Variants in PTPRO observed in about 807,000 individuals in gnomAD.
The protein encoded by PTPRO is receptor-type tyrosine-protein phosphatase O.
In PTPRO, 62 loss-of-function variants were observed where a neutral mutation model predicts 145.2. The ratio of observed to expected loss-of-function variants is 0.43; its 90% confidence interval spans 0.35 to 0.53. The LOEUF is 0.53. Among genes scored for constraint, PTPRO ranks in the 20% least tolerant of loss-of-function variants. The pLI, the probability that PTPRO is intolerant of heterozygous loss-of-function variation, is 0.01. For synonymous variants in PTPRO, 565 were observed against 514.7 expected (o/e 1.10, Z -1.32); for missense variants, 1,345 against 1,482.7 (o/e 0.91, Z 1.53).
chr12:15,501,582 T>TA lies in PTPRO; in HGVS notation c.662-32dup, dbSNP rs760273795. ...GATTAAGTATTCACTCTAATTGAAT[T>TA]AAAAAATACTTGAAAATGAAAATTC... On this transcript the variant is annotated intron_variant, in intron 4 of 26. Coordinates refer to ENST00000281171, the MANE Select transcript of PTPRO (RefSeq NM_030667.3). 5 of 1,557,152 alleles carry TA rather than the reference T, an allele frequency of 3.2e-6. No homozygotes were observed. The East Asian group carries it at 1.1e-4, about 35-fold the overall frequency.
chr12:15,326,908 C>G (rs543712189), intron 1 of PTPRO, among the ~76,000 whole-genome samples: 6 of 152,096 alleles, frequency 3.9e-5, no homozygotes, highest in Non-Finnish European at 7.4e-5. Context: ...TTTAATTACT[C>G]CAAATATGTT....
At chr12:15,351,689 C>A (rs1195900656) in intron 1 of PTPRO, among the ~76,000 whole-genome samples, 1 of 152,068 alleles carries the variant, frequency 6.6e-6, no homozygotes, top group Non-Finnish European at 1.5e-5. Flanking sequence ...TCTAGCCATG[C>A]CTTACTGAAT....
intron 1 of PTPRO, chr12:15,348,498 C>T (rs1937668815): frequency 6.6e-6 from 1 of 152,254 alleles, no homozygotes; most frequent in African/African-American, 2.4e-5. Context: ...GTGGCTGACG[C>T]CTGTAATCCC....
chr12:15,473,128 A>T (rs781269782), intron 1 of PTPRO, among the ~76,000 whole-genome samples: 2 of 152,192 alleles, frequency 1.3e-5, no homozygotes, highest in African/African-American at 2.4e-5. Flanking sequence ...GTGTCCCATA[A>T]GAAGGTGCAA....
At chr12:15,549,911 T>A (rs1420516728) in intron 14 of PTPRO, among the ~76,000 whole-genome samples, 2 of 152,240 alleles carry the variant, frequency 1.3e-5, no homozygotes, top group African/African-American at 2.4e-5. Context: ...GACTGTTTTC[T>A]TTTTTCTTTT....
At chr12:15,549,909 T>C (rs1269682946) in intron 14 of PTPRO, among the ~76,000 whole-genome samples, 1 of 152,222 alleles carries the variant, frequency 6.6e-6, no homozygotes, top group Non-Finnish European at 1.5e-5. Flanking sequence ...CGGACTGTTT[T>C]CTTTTTTCTT....
intron 25 of PTPRO, among the ~76,000 whole-genome samples, chr12:15,593,491 C>T (rs181972339): frequency 1.3e-5 from 2 of 152,198 alleles, no homozygotes; most frequent in Admixed American, 1.3e-4. Flanking sequence ...CATGATTGTG[C>T]TCATATTATA....
At chr12:15,550,626 C>A (rs1943431077) in intron 14 of PTPRO, among the ~76,000 whole-genome samples, 2 of 152,196 alleles carry the variant, frequency 1.3e-5, no homozygotes, top group South Asian at 4.1e-4. Context: ...CGAAAAAGCT[C>A]TTCTGATCAT....
intron 1 of PTPRO, among the ~76,000 whole-genome samples, chr12:15,450,793 TA>T (rs939221271): frequency 6.6e-6 from 1 of 151,606 alleles, no homozygotes; most frequent in Non-Finnish European, 1.5e-5. Context: ...TTTTTTTAAA[TA>T]AAAAAACTAC....
intron 1 of PTPRO, among the ~76,000 whole-genome samples, chr12:15,341,651 A>C (rs1866990026): frequency 6.6e-6 from 1 of 152,240 alleles, no homozygotes; most frequent in African/African-American, 2.4e-5. Context: ...GCCTTTATAG[A>C]GTTCCATCAC....
At chr12:15,349,284 A>C (rs899906925) in intron 1 of PTPRO, among the ~76,000 whole-genome samples, 3 of 152,222 alleles carry the variant, frequency 2.0e-5, no homozygotes, top group Non-Finnish European at 4.4e-5. Flanking sequence ...GGTACGATTT[A>C]GTACCATGTT....
chr12:15,477,681 AG>A (rs1227472938), intron 1 of PTPRO, among the ~76,000 whole-genome samples: 1 of 152,088 alleles, frequency 6.6e-6, no homozygotes, highest in African/African-American at 2.4e-5. Context: ...CAAAGTGGCA[AG>A]AACAGGAGCA....
intron 1 of PTPRO, among the ~76,000 whole-genome samples, chr12:15,389,239 G>C (rs1277926614): frequency 1.3e-5 from 2 of 151,910 alleles, no homozygotes; most frequent in African/African-American, 2.4e-5. Context: ...GAGTAGCTGG[G>C]ACTACAGGCG....
intron 1 of PTPRO, among the ~76,000 whole-genome samples, chr12:15,425,309 A>T (rs1279280112): frequency 2.0e-5 from 3 of 152,178 alleles, no homozygotes; most frequent in Non-Finnish European, 4.4e-5. Context: ...TAATCTTCAT[A>T]ACAATCCTAT....
At chr12:15,403,957 G>A (rs1215356850) in intron 1 of PTPRO, among the ~76,000 whole-genome samples, 1 of 151,922 alleles carries the variant, frequency 6.6e-6, no homozygotes, top group African/African-American at 2.4e-5. Context: ...CAGCACTTTG[G>A]GAGGCCAAGG....
In PTPRO at chr12:15,504,056, C is replaced by T. The variant is rs1942272205; in HGVS notation, c.1254C>T (p.Leu418=). The change falls in exon 6 of 27, where the codon CTC becomes CTT. Residue 418 remains leucine, a synonymous_variant. Transcript: ENST00000281171. ...ETRKSQSAKS[L]SFYISPSGEW... ...GAAAAAGTCAGTCAGCAAAATCACT[C>T]AGCTTTTATATCAGTAAGTAACAAA... is the stretch of plus-strand genomic sequence containing the variant. 1.9e-6 allele frequency: 3 copies of T among 1,612,080 alleles called. No homozygotes were observed. Among genetic ancestry groups the T allele is most frequent in the Non-Finnish European group, 2.5e-6 (3 of 1,178,470 alleles).
chr12:15,422,616 G>A (rs1173213470), intron 1 of PTPRO, among the ~76,000 whole-genome samples: 1 of 152,138 alleles, frequency 6.6e-6, no homozygotes, highest in East Asian at 1.9e-4. Flanking sequence ...TTAGGGTTTA[G>A]ATAGATAGGG....
At chr12:15,424,143 T>C (rs1591799065) in intron 1 of PTPRO, among the ~76,000 whole-genome samples, 1 of 152,226 alleles carries the variant, frequency 6.6e-6, no homozygotes, top group Non-Finnish European at 1.5e-5. Context: ...ATATGAAGTG[T>C]AGCATAAGTA....
chr12:15,576,043 A>G (rs59444784), intron 19 of PTPRO, among the ~76,000 whole-genome samples: 6,013 of 152,278 alleles, frequency 0.039, 388 homozygotes, highest in African/African-American at 0.14. Flanking sequence ...ACTACAGATG[A>G]CTGTATAGCC....
Sources: allele counts gnomAD v4.1 joint callset (sites outside exome capture counted in the v4.1 genomes callset), GRCh38; gene constraint gnomAD v4.1.1; transcripts MANE v1.5; gene names NCBI Gene and HGNC (gene_info 2026-07-23, HGNC 2026-07-21).